SPAG16: variants seen among roughly 807,000 people sequenced by gnomAD.
SPAG16 encodes sperm-associated antigen 16 protein.
Under a neutral mutation model 80.4 loss-of-function variants are expected in SPAG16, and 86 were observed. The observed-to-expected ratio is 1.07, with a 90% CI of 0.90 to 1.28. The LOEUF (loss-of-function observed/expected upper bound fraction) is 1.28. Ranked by LOEUF, SPAG16 falls within the 50% of genes most tolerant of loss-of-function variation. The pLI is 0.00. For missense variants in SPAG16, 870 were observed against 765.3 expected (o/e 1.14, Z -1.61); for synonymous variants, 294 against 265.9 (o/e 1.11, Z -1.03).
chr2:213,976,135 T>TATATATATATACACACAC lies in SPAG16; in HGVS notation c.1401-37815_1401-37814insTATATATATACACACACA, dbSNP rs749957411. 2.9e-4 allele frequency among the ~76,000 whole-genome samples: 24 copies of TATATATATATACACACAC among 81,402 alleles called. No homozygotes were observed. In the East Asian group the frequency reaches 8.0e-3, roughly 27 times the overall value. 53.4% of individuals were successfully genotyped at this position (81,402 alleles called of 152,430 possible). ...ATATATATATATATATATATATATATACACACACACACACACACACGTATG... is the reference window on the plus strand; with the variant it reads ...ATATATATATATATATATATATATATATATATATATACACACACACACACACACACACACACACGTATG... On this transcript the variant is annotated intron_variant, in intron 12 of 15. Transcript: ENST00000331683.
chr2:213,491,202 A>G (rs1295304498), intron 10 of SPAG16, among the ~76,000 whole-genome samples: 3 of 152,224 alleles, frequency 2.0e-5, no homozygotes, highest in South Asian at 2.1e-4. Context: ...TTCTATTTCA[A>G]TGTAAAACAA....
intron 11 of SPAG16, among the ~76,000 whole-genome samples, chr2:213,893,308 A>G (rs1253679839): frequency 1.3e-5 from 2 of 152,156 alleles, no homozygotes; most frequent in Non-Finnish European, 2.9e-5. Flanking sequence ...TACAAAAAAT[A>G]CCAAAGAGAG....
At chr2:213,862,768 C>A in intron 11 of SPAG16, 140 bp downstream of exon 11, 2 of 904,902 alleles carry the variant, frequency 2.2e-6, no homozygotes, top group Non-Finnish European at 3.2e-6. Flanking sequence ...AGTGTATAGA[C>A]AAATTCCCCT....
At chr2:213,802,327 A>G (rs184041973) in intron 10 of SPAG16, among the ~76,000 whole-genome samples, 1 of 152,282 alleles carries the variant, frequency 6.6e-6, no homozygotes, top group African/African-American at 2.4e-5. Flanking sequence ...GCCTAAAACC[A>G]GCCCTCCATC....
intron 13 of SPAG16, among the ~76,000 whole-genome samples, chr2:214,107,903 A>T (rs1383775554): frequency 6.6e-6 from 1 of 152,136 alleles, no homozygotes; most frequent in Non-Finnish European, 1.5e-5. Flanking sequence ...CTTGAAAGCT[A>T]TGCTAATTGA....
chr2:213,412,935 A>T lies in SPAG16; in HGVS notation c.942+37816A>T, dbSNP rs546060941. Among the ~76,000 whole-genome samples, 3 of 152,210 alleles carry T rather than the reference A, an allele frequency of 2.0e-5. No individual in the cohort carries two copies. The South Asian group carries it at 6.2e-4, about 32-fold the overall frequency. ...AAATTAATTTAAAACATTATTATTA[A>T]ATTGATAATTTTAAAATCTGCAATG... is the stretch of plus-strand genomic sequence containing the variant. On this transcript the variant is annotated intron_variant, in intron 9 of 15. Transcript: ENST00000331683.
At chr2:214,301,525 T>G (rs1694553325) in intron 15 of SPAG16, among the ~76,000 whole-genome samples, 1 of 152,092 alleles carries the variant, frequency 6.6e-6, no homozygotes, top group South Asian at 2.1e-4. Flanking sequence ...AGAAAATCAT[T>G]TCCTGGAATT....
chr2:213,439,343 A>C (rs1403565328), intron 9 of SPAG16, among the ~76,000 whole-genome samples: 1 of 152,212 alleles, frequency 6.6e-6, no homozygotes, highest in African/African-American at 2.4e-5. Context: ...AAGTATGATA[A>C]AGAATATCTA....
intron 5 of SPAG16, among the ~76,000 whole-genome samples, chr2:213,329,058 A>G (rs1214638501): frequency 6.6e-6 from 1 of 152,132 alleles, no homozygotes; most frequent in Non-Finnish European, 1.5e-5. Flanking sequence ...TTGCACCATG[A>G]TAGTGAGGCC....
intron 10 of SPAG16, among the ~76,000 whole-genome samples, chr2:213,584,132 G>A (rs1320692802): frequency 1.3e-5 from 2 of 152,152 alleles, no homozygotes; most frequent in Non-Finnish European, 2.9e-5. Flanking sequence ...CTAACATGTA[G>A]TATTGGCCAA....
chr2:214,116,148 C>A lies in SPAG16; in HGVS notation c.1593+7887C>A, dbSNP rs180698751. ...ATCCTTGTTTGGCCTTAAACCTGTG[C>A]CAAAACCATTTGCCCAGGCATCCAA... On this transcript the variant is annotated intron_variant, in intron 14 of 15. Transcript: ENST00000331683. Among the ~76,000 whole-genome samples the A allele has an allele frequency of 1.4e-4, 22 of 152,304 alleles. No homozygotes were observed. In the East Asian group the frequency reaches 4.2e-3, roughly 29 times the overall value.
At chr2:213,505,345 A>G (rs1045069690) in intron 10 of SPAG16, among the ~76,000 whole-genome samples, 1 of 151,960 alleles carries the variant, frequency 6.6e-6, no homozygotes, top group African/African-American at 2.4e-5. Flanking sequence ...TTTTTAAATT[A>G]TTTGGAGATA....
intron 10 of SPAG16, among the ~76,000 whole-genome samples, chr2:213,720,321 A>T: frequency 6.6e-6 from 1 of 151,988 alleles, no homozygotes; most frequent in East Asian, 1.9e-4. Context: ...TGTATCCCAG[A>T]ACTTAAAGTA....
chr2:214,301,639 A>G (rs538756844), intron 15 of SPAG16, among the ~76,000 whole-genome samples: 2 of 152,192 alleles, frequency 1.3e-5, no homozygotes, highest in African/African-American at 4.8e-5. Flanking sequence ...CACCTTTATC[A>G]TTTCTGATTA....
intron 10 of SPAG16, among the ~76,000 whole-genome samples, chr2:213,567,052 C>G (rs903986280): frequency 5.9e-5 from 9 of 151,876 alleles, no homozygotes; most frequent in African/African-American, 2.2e-4. Context: ...TGAGCTGTTG[C>G]CAGTGCTGTT....
Position 213,340,267 on chromosome 2 carries a change from A to C in SPAG16, c.641A>C (p.Lys214Thr). 1.3e-6 allele frequency: 2 copies of C among 1,575,544 alleles called. No individual in the cohort carries two copies. The highest frequency in any genetic ancestry group is 1.7e-6 in the Non-Finnish European group (2 of 1,147,084). The change falls in exon 6 of 16, where the codon AAA (lysine) becomes ACA (threonine). Residue 214 changes from lysine to threonine, a missense_variant. Physicochemically the swap from Lys to Thr is moderately conservative, Grantham distance 78. Transcript: ENST00000331683. ...AAAAACAAATTAATTAATGACCTCA[A>C]AGGGTAAGCTTATACTTGTTGGCAT... ...QEKNKLINDL[K>T]GLKLHYASYE...
At chr2:213,719,954 T>C (rs2066439661) in intron 10 of SPAG16, among the ~76,000 whole-genome samples, 1 of 152,174 alleles carries the variant, frequency 6.6e-6, no homozygotes, top group South Asian at 2.1e-4. Flanking sequence ...CCATCAGTGA[T>C]AGACTGGATA....
chr2:213,476,208 A>T (rs554300786), intron 9 of SPAG16, among the ~76,000 whole-genome samples: 244 of 152,334 alleles, frequency 1.6e-3, no homozygotes, highest in African/African-American at 5.7e-3. Context: ...AAGAGTCTTG[A>T]AAGAAAGAAA....
intron 10 of SPAG16, among the ~76,000 whole-genome samples, chr2:213,564,505 A>C (rs903732476): frequency 2.7e-4 from 41 of 152,166 alleles, no homozygotes; most frequent in African/African-American, 9.4e-4. Context: ...AAAAAAAAAA[A>C]AAAAAAAGAG....
Sources: gnomAD v4.1 joint callset for allele counts (sites outside exome capture counted in the v4.1 genomes callset) on GRCh38, gnomAD v4.1.1 for gene constraint, MANE v1.5 for transcripts, NCBI Gene and HGNC (gene_info 2026-07-23, HGNC 2026-07-21) for gene names.